CPED1: variants seen among roughly 807,000 people sequenced by gnomAD.
CPED1 encodes the protein cadherin-like and PC-esterase domain-containing protein 1.
A neutral mutation model predicts 128.2 loss-of-function variants in CPED1; 114 were observed. The observed-to-expected ratio is 0.89, with a 90% CI of 0.76 to 1.04. The LOEUF (loss-of-function observed/expected upper bound fraction) is 1.04, where lower values mean the gene tolerates loss of function less well. Ranked by LOEUF, CPED1 falls within the 50% of genes least tolerant of loss-of-function variation. The pLI is 0.00. For synonymous variants in CPED1, 462 were observed against 426.7 expected (o/e 1.08, Z -1.02); for missense variants, 1,211 against 1,207.1 (o/e 1.00, Z -0.05).
chr7:121,124,347 A>C lies in CPED1; in HGVS notation c.935A>C (p.Glu312Ala). Residue 312 changes from glutamate to alanine, a missense_variant, in exon 8 of 23, where the codon GAG becomes GCG. Transcript: ENST00000310396. The part of the protein sequence containing the change: ...RFTVKLQTFF[E>A]TFLRASSPQQ... The stretch of plus-strand genomic sequence containing the variant: ...TGTTCACAGCTGCAAACATTTTTTG[A>C]GACATTCCTGAGAGCCAGTTCACCT... 3 of 1,605,798 alleles carry C rather than the reference A, an allele frequency of 1.9e-6. No individual in the cohort carries two copies. The highest frequency in any genetic ancestry group is 1.1e-5 in the South Asian group (1 of 89,554).
intron 7 of CPED1, among the ~76,000 whole-genome samples, chr7:121,110,075 G>A (rs1310802304): frequency 6.6e-6 from 1 of 152,164 alleles, no homozygotes; most frequent in African/African-American, 2.4e-5. Flanking sequence ...GGGGATCGGT[G>A]TGCAGTAAGA....
At chr7:121,282,968 C>A (rs1443611922) in intron 22 of CPED1, among the ~76,000 whole-genome samples, 1 of 152,112 alleles carries the variant, frequency 6.6e-6, no homozygotes, top group Non-Finnish European at 1.5e-5. Flanking sequence ...AATTTTAATT[C>A]TACAAGATAC....
At chr7:121,029,847 A>C (rs556300863) in intron 3 of CPED1, among the ~76,000 whole-genome samples, 31 of 152,288 alleles carry the variant, frequency 2.0e-4, no homozygotes, top group Admixed American at 2.0e-3. Flanking sequence ...TTGAATTTTA[A>C]AATGATCAAT....
At chr7:121,056,130 A>G (rs1055204847) in intron 4 of CPED1, among the ~76,000 whole-genome samples, 1 of 152,160 alleles carries the variant, frequency 6.6e-6, no homozygotes, top group Admixed American at 6.5e-5. Flanking sequence ...AAAACAGTTT[A>G]TATGTTCCAA....
At chr7:121,267,410 TA>T in intron 21 of CPED1, 108 bp downstream of exon 21, 24 of 505,512 alleles carry the variant, frequency 4.7e-5, no homozygotes, top group South Asian at 1.2e-4. Flanking sequence ...TTCATGAAAG[TA>T]AAAAAAAGAG....
chr7:121,135,946 A>C, intron 13 of CPED1, 94 bp from the exon 14 acceptor site: 1 of 963,080 alleles, frequency 1.0e-6, no homozygotes, highest in Non-Finnish European at 1.5e-6. Flanking sequence ...TAAATGAAAA[A>C]CATGTTTTAT....
intron 16 of CPED1, among the ~76,000 whole-genome samples, chr7:121,199,408 G>A (rs1183739882): frequency 1.3e-5 from 2 of 151,786 alleles, no homozygotes; most frequent in African/African-American, 4.8e-5. Context: ...GGCTGAGCGC[G>A]GTGGCTCACA....
chr7:121,038,410 C>T (rs1232268743), intron 3 of CPED1, among the ~76,000 whole-genome samples: 1 of 152,008 alleles, frequency 6.6e-6, no homozygotes, highest in Non-Finnish European at 1.5e-5. Flanking sequence ...TGGAAGAATG[C>T]ATGTTACATA....
At chr7:121,003,082 G>A (rs73431845) in intron 2 of CPED1, among the ~76,000 whole-genome samples, 3,853 of 152,210 alleles carry the variant, frequency 0.025, 110 homozygotes, top group African/African-American at 0.068. Context: ...AGTTCATTGC[G>A]TATTCAGTAT....
At chr7:121,069,439 G>C (rs896801755) in intron 5 of CPED1, among the ~76,000 whole-genome samples, 2 of 152,136 alleles carry the variant, frequency 1.3e-5, no homozygotes, top group Admixed American at 6.5e-5. Flanking sequence ...GCTAAGAAAG[G>C]AGAGATGATC....
At chr7:121,219,996 G>C (rs1325206636) in intron 16 of CPED1, among the ~76,000 whole-genome samples, 1 of 151,970 alleles carries the variant, frequency 6.6e-6, no homozygotes, top group East Asian at 1.9e-4. Context: ...ATTTTTATTG[G>C]AATGAATTGT....
At chr7:121,233,293 G>A (rs1798177556) in intron 16 of CPED1, among the ~76,000 whole-genome samples, 1 of 152,078 alleles carries the variant, frequency 6.6e-6, no homozygotes, top group Non-Finnish European at 1.5e-5. Context: ...TAAGTGTGAA[G>A]ATTTCTGGAG....
intron 16 of CPED1, among the ~76,000 whole-genome samples, chr7:121,159,701 T>C (rs899330569): frequency 1.3e-5 from 2 of 152,182 alleles, no homozygotes; most frequent in Admixed American, 6.6e-5. Flanking sequence ...TTAAAAACTC[T>C]ACAATTAGCT....
At chr7:121,043,056 A>G (rs1168460787) in intron 3 of CPED1, among the ~76,000 whole-genome samples, 2 of 152,258 alleles carry the variant, frequency 1.3e-5, no homozygotes, top group African/African-American at 4.8e-5. Flanking sequence ...CGAGAAAGAC[A>G]TAAACAATGA....
At chr7:121,165,239 G>A (rs1796497546) in intron 16 of CPED1, among the ~76,000 whole-genome samples, 1 of 152,088 alleles carries the variant, frequency 6.6e-6, no homozygotes, top group Non-Finnish European at 1.5e-5. Flanking sequence ...CTTCACTTAA[G>A]TATCCAGTAT....
chr7:121,111,939 C>T (rs760915376), intron 7 of CPED1, among the ~76,000 whole-genome samples: 1 of 152,186 alleles, frequency 6.6e-6, no homozygotes, highest in African/African-American at 2.4e-5. Context: ...TGGACCAGCT[C>T]TGCTCATCTC....
chr7:121,193,746 A>C (rs1442183637), intron 16 of CPED1, among the ~76,000 whole-genome samples: 4 of 152,048 alleles, frequency 2.6e-5, no homozygotes, highest in Non-Finnish European at 4.4e-5. Context: ...GAAGTTTTAA[A>C]AGGCTAGTAA....
rs768436692 is a variant in CPED1, at chr7:121,027,309, T to A, written c.433+11461T>A. On this transcript the variant is annotated intron_variant, in intron 3 of 22. Coordinates refer to ENST00000310396, the MANE Select transcript of CPED1 (RefSeq NM_024913.5). ...TTTGATAATTTTTATGTGTTCATCTTATCTCCCCTTTTGTATTATAAACTT... is the reference window on the plus strand; with the variant it reads ...TTTGATAATTTTTATGTGTTCATCTAATCTCCCCTTTTGTATTATAAACTT... Among the ~76,000 whole-genome samples the A allele has an allele frequency of 1.1e-4, 16 of 152,306 alleles. No homozygotes were observed. In the South Asian group the frequency reaches 2.9e-3, roughly 28 times the overall value.
chr7:121,199,246 T>A (rs1469188134), intron 16 of CPED1, among the ~76,000 whole-genome samples: 2 of 151,990 alleles, frequency 1.3e-5, no homozygotes, highest in South Asian at 2.1e-4. Context: ...AGTCCACACA[T>A]GGGGTATAAT....
Sources: gnomAD v4.1 joint callset for allele counts (sites outside exome capture counted in the v4.1 genomes callset) on GRCh38, gnomAD v4.1.1 for gene constraint, MANE v1.5 for transcripts, NCBI Gene and HGNC (gene_info 2026-07-23, HGNC 2026-07-21) for gene names.